The following CAMK1D variants were observed in gnomAD, a reference collection of about 807,000 sequenced individuals.
CAMK1D encodes the protein calcium/calmodulin dependent protein kinase ID, also known as calcium/calmodulin-dependent protein kinase type 1D.
CAMK1D carries 9 observed loss-of-function variants against 47.7 expected under a neutral mutation model. The ratio of observed to expected loss-of-function variants is 0.19; its 90% CI spans 0.11 to 0.33. The LOEUF is 0.33. Ranked by LOEUF, CAMK1D falls within the 10% of genes least tolerant of loss-of-function variation. The probability of loss-of-function intolerance (pLI) is 1.00; values close to 1 mark genes in which losing one functional copy is unlikely to be tolerated. For synonymous variants in CAMK1D, 184 were observed against 184.9 expected (o/e 0.99, Z 0.04); for missense variants, 291 against 488.7 (o/e 0.60, Z 3.81).
chr10:12,649,725 G>A (rs1431196825), intron 2 of CAMK1D, among the ~76,000 whole-genome samples: 1 of 152,112 alleles, frequency 6.6e-6, no homozygotes, highest in African/African-American at 2.4e-5. Context: ...TGCAGGATAC[G>A]TTTTGCCATC....
At chr10:12,756,526 C>T (rs1185487362) in intron 3 of CAMK1D, among the ~76,000 whole-genome samples, 1 of 152,224 alleles carries the variant, frequency 6.6e-6, no homozygotes, top group Non-Finnish European at 1.5e-5. Flanking sequence ...GGCAAACATA[C>T]TGAAATTTTA....
rs75174912 is a variant in CAMK1D at position 12,737,587 on chromosome 10, G to A, written c.300-23361G>A. The stretch of plus-strand genomic sequence containing the variant: ...CCCAGCTGAAACCTTCCTTGGCCTC[G>A]CCTCTTACTTCTGCCTGTGACCTTA... On this transcript the variant is annotated intron_variant, in intron 3 of 10. Transcript: ENST00000619168. Among the ~76,000 whole-genome samples the A allele has an allele frequency of 1.5e-3, 228 of 152,104 alleles. 4 individuals are homozygous for A. In the East Asian group the frequency reaches 0.038, roughly 26 times the overall value.
chr10:12,819,638 T>C (rs1278008857), intron 8 of CAMK1D, among the ~76,000 whole-genome samples: 1 of 152,258 alleles, frequency 6.6e-6, no homozygotes, highest in Non-Finnish European at 1.5e-5. Context: ...CAGGCTGCCA[T>C]TAATTGATGA....
intron 3 of CAMK1D, among the ~76,000 whole-genome samples, chr10:12,752,995 C>T (rs1340997730): frequency 2.0e-5 from 3 of 152,190 alleles, no homozygotes; most frequent in African/African-American, 7.2e-5. Flanking sequence ...CCTGTAATCC[C>T]AGCACTTTGG....
chr10:12,618,794 T>G (rs533941362), intron 2 of CAMK1D, among the ~76,000 whole-genome samples: 1 of 152,220 alleles, frequency 6.6e-6, no homozygotes, highest in Non-Finnish European at 1.5e-5. Flanking sequence ...ATATGGGTAG[T>G]AGTAATAATA....
intron 1 of CAMK1D, among the ~76,000 whole-genome samples, chr10:12,376,174 A>AAG (rs1387090934): frequency 2.0e-5 from 3 of 151,098 alleles, no homozygotes; most frequent in African/African-American, 4.9e-5. Flanking sequence ...AAAAAAAAAA[A>AAG]AAAAAAAAAA....
At chr10:12,523,042 G>C (rs1835485842) in intron 1 of CAMK1D, among the ~76,000 whole-genome samples, 1 of 151,166 alleles carries the variant, frequency 6.6e-6, no homozygotes, top group South Asian at 2.1e-4. Context: ...GTGGCTGCCG[G>C]GCGGAGACGC....
chr10:12,608,340 C>T (rs1838524149), intron 2 of CAMK1D, among the ~76,000 whole-genome samples: 1 of 152,178 alleles, frequency 6.6e-6, no homozygotes, highest in South Asian at 2.1e-4. Context: ...ATCACTTGAA[C>T]CTGGGAGGCG....
In CAMK1D at chr10:12,782,990, TTTTTTG is replaced by T. The variant is rs200984638; in HGVS notation, c.566-8162_566-8157del. 1.3e-3 allele frequency among the ~76,000 whole-genome samples: 176 copies of T among 140,310 alleles called. 3 individuals are homozygous for T. Among genetic ancestry groups the T allele is most frequent in the African/African-American group, 3.2e-3 (121 of 37,960 alleles). 92.0% of individuals were successfully genotyped at this position (140,310 alleles called of 152,430 possible). The stretch of plus-strand genomic sequence containing the variant: ...AAATTCAGTATTTTCAGTTTTTTTT[TTTTTTG>T]TTTTTTTTTTTTTTGAGACAGAGTC... On this transcript the variant is annotated intron_variant, in intron 5 of 10. Transcript: ENST00000619168.
At chr10:12,535,474 A>G (rs925093148) in intron 1 of CAMK1D, among the ~76,000 whole-genome samples, 1 of 152,198 alleles carries the variant, frequency 6.6e-6, no homozygotes, top group Admixed American at 6.5e-5. Flanking sequence ...AGAATGGCCA[A>G]TAAGTCCTCC....
At chr10:12,476,538 G>C (rs1833907746) in intron 1 of CAMK1D, among the ~76,000 whole-genome samples, 1 of 152,150 alleles carries the variant, frequency 6.6e-6, no homozygotes, top group South Asian at 2.1e-4. Flanking sequence ...CGTATAATGA[G>C]TGTAAATTTA....
intron 2 of CAMK1D, among the ~76,000 whole-genome samples, chr10:12,634,699 C>T (rs1036469701): frequency 3.9e-5 from 6 of 152,260 alleles, no homozygotes; most frequent in African/African-American, 9.6e-5. Flanking sequence ...TTGACTTTCT[C>T]GTCATGCTGG....
chr10:12,598,368 C>G (rs185034288), intron 2 of CAMK1D, among the ~76,000 whole-genome samples: 7 of 152,286 alleles, frequency 4.6e-5, no homozygotes, highest in South Asian at 4.1e-4. Context: ...TGGTAAAATT[C>G]GAACGATGTC....
At chr10:12,828,606 A>ACTC (rs1833342562) in intron 10 of CAMK1D, among the ~76,000 whole-genome samples, 163 bp from the exon 11 acceptor site, 1 of 150,730 alleles carries the variant, frequency 6.6e-6, no homozygotes, top group African/African-American at 2.4e-5. Context: ...GTGCCACTGC[A>ACTC]CTCCAGCCTG....
intron 1 of CAMK1D, among the ~76,000 whole-genome samples, chr10:12,404,097 G>A (rs1316750681): frequency 5.3e-5 from 8 of 151,620 alleles, no homozygotes; most frequent in African/African-American, 1.9e-4. Context: ...CCCAGCTGGA[G>A]TGCAATGGTG....
intron 2 of CAMK1D, among the ~76,000 whole-genome samples, chr10:12,584,552 G>A (rs1220220731): frequency 6.6e-6 from 1 of 152,146 alleles, no homozygotes; most frequent in Non-Finnish European, 1.5e-5. Context: ...GGGCGTGGTG[G>A]CTCTCGCCTG....
chr10:12,815,585 C>T (rs1207455546), intron 7 of CAMK1D, among the ~76,000 whole-genome samples: 1 of 152,254 alleles, frequency 6.6e-6, no homozygotes, highest in African/African-American at 2.4e-5. Flanking sequence ...AGGGGCCGCA[C>T]CCTGCAGTGC....
At chr10:12,370,593 C>T (rs187016689) in intron 1 of CAMK1D, among the ~76,000 whole-genome samples, 43 of 152,156 alleles carry the variant, frequency 2.8e-4, no homozygotes, top group African/African-American at 9.4e-4. Context: ...TGTTGAACTA[C>T]GCTAATGTGT....
chr10:12,496,625 A>G (rs763708418), intron 1 of CAMK1D, among the ~76,000 whole-genome samples: 9 of 152,232 alleles, frequency 5.9e-5, no homozygotes, highest in Non-Finnish European at 8.8e-5. Context: ...AGAAGAGGGA[A>G]TAGCTGGTGA....
Sources: allele counts gnomAD v4.1 joint callset (sites outside exome capture counted in the v4.1 genomes callset), GRCh38; gene constraint gnomAD v4.1.1; transcripts MANE v1.5; gene names NCBI Gene and HGNC (gene_info 2026-07-23, HGNC 2026-07-21).